SYNE1: variants seen among roughly 807,000 people sequenced by gnomAD.
The protein encoded by SYNE1 is nesprin-1.
Under a neutral mutation model 1,111.0 loss-of-function variants are expected in SYNE1, and 616 were observed. The ratio of observed to expected loss-of-function variants is 0.55; its 90% CI spans 0.52 to 0.59. The LOEUF is 0.59. SYNE1 is among the 20% of genes least tolerant of loss of function. The probability of loss-of-function intolerance (pLI) is 0.00; values close to 1 mark genes in which losing one functional copy is unlikely to be tolerated. For synonymous variants in SYNE1, 3,855 were observed against 3,825.8 expected (o/e 1.01, Z -0.28); for missense variants, 10,006 against 10,417.0 (o/e 0.96, Z 1.72).
intron 12 of SYNE1, among the ~76,000 whole-genome samples, chr6:152,486,610 T>A (rs548399966): frequency 2.0e-4 from 31 of 152,362 alleles, no homozygotes; most frequent in Non-Finnish European, 4.3e-4. Flanking sequence ...GTTCTTGCAA[T>A]TCTTTTCTCC....
At chr6:152,136,867 T>C (rs766832733) in intron 140 of SYNE1, 49 bp from the exon 141 acceptor site, 2 of 1,592,068 alleles carry the variant, frequency 1.3e-6, no homozygotes, top group Middle Eastern at 1.7e-4. Context: ...ATGACAAAGA[T>C]ATTTTCCCTT....
chr6:152,149,784 T>C, intron 135 of SYNE1, 116 bp from the exon 136 acceptor site: 2 of 865,770 alleles, frequency 2.3e-6, no homozygotes, highest in South Asian at 1.4e-5. Flanking sequence ...GGCTATTTAA[T>C]TGACCATATA....
Position 152,148,632 on chromosome 6 carries a change from C to T in SYNE1, c.24643-254G>A, listed in dbSNP as rs1225749294. 6.7e-6 allele frequency among the ~76,000 whole-genome samples: 1 copy of T among 150,086 alleles called. No individual in the cohort carries two copies. Among genetic ancestry groups the T allele is most frequent in the African/African-American group, 2.4e-5 (1 of 40,840 alleles). ...TTCCTCTGGGCCTCAGTTTTCTCAT[C>T]TATAAAATGGGAATAACAGTCCCAG... is the stretch of plus-strand genomic sequence containing the variant. On this transcript the variant is annotated intron_variant, in intron 136 of 145. Transcript: ENST00000367255. This position sits in a 1 kb window ranked among gnomAD's most constrained non-coding sequence, Gnocchi z 4.1.
chr6:152,267,791 T>TA (rs2153671868), intron 100 of SYNE1, among the ~76,000 whole-genome samples: 1 of 152,294 alleles, frequency 6.6e-6, no homozygotes, highest in South Asian at 2.1e-4. Flanking sequence ...CTTATTCGAT[T>TA]AAAAAGATGA....
rs138651501 is a variant in SYNE1, at chr6:152,499,262, T to G, written c.889-470A>C. On this transcript the variant is annotated intron_variant, in intron 10 of 145. Transcript: ENST00000367255. The stretch of plus-strand genomic sequence containing the variant: ...AAAAAATAAATGAAAGTTTAGAAGG[T>G]GAATGAGATAAGCCAATAGACCTAT... Among the ~76,000 whole-genome samples the G allele has an allele frequency of 5.6e-3, 849 of 152,080 alleles. 12 individuals are homozygous for G. Among genetic ancestry groups the G allele is most frequent in the African/African-American group, 0.02 (810 of 41,532 alleles).
rs748216902 is a variant in SYNE1 at position 152,148,159 on chromosome 6, C to T, written c.24862G>A (p.Asp8288Asn). The stretch of plus-strand genomic sequence containing the variant: ...TCCAGGTCCCGACTGAGGTCATAGT[C>T]GTGATCCCACTCCAGGGGGATGGAG... ...VDSIPLEWDH[D>N]YDLSRDLESA... is the part of the protein sequence containing the mutation. Residue 8288 changes from aspartate to asparagine, a missense_variant, in exon 137 of 146, where the codon GAC becomes AAC. Physicochemically the swap from Asp to Asn is conservative, Grantham distance 23. Around this residue, in one of 7 missense-constraint regions of SYNE1, gnomAD observed 761 missense variants for 795.5 expected, o/e 0.96. Coordinates refer to ENST00000367255, the MANE Select transcript of SYNE1 (RefSeq NM_182961.4). The surrounding 1 kb of genome is among the most constrained non-coding windows in gnomAD (Gnocchi z 4.1). The T allele has an allele frequency of 3.4e-5, 55 of 1,614,072 alleles. No individual in the cohort carries two copies. Among genetic ancestry groups the T allele is most frequent in the Non-Finnish European group, 3.9e-5 (46 of 1,180,038 alleles).
intron 95 of SYNE1, among the ~76,000 whole-genome samples, chr6:152,288,822 A>C (rs1309628367): frequency 6.6e-6 from 1 of 152,216 alleles, no homozygotes; most frequent in Non-Finnish European, 1.5e-5. Context: ...CTGGGATTAC[A>C]GGTGTGAGCC....
intron 62 of SYNE1, among the ~76,000 whole-genome samples, chr6:152,366,004 T>G (rs1306258909): frequency 6.6e-6 from 1 of 152,136 alleles, no homozygotes; most frequent in African/African-American, 2.4e-5. Flanking sequence ...TCCACCCAGT[T>G]ATCTTTGCCA....
rs145572897 is a variant in SYNE1 at position 152,261,378 on chromosome 6, G to A, written c.18972+654C>T. On this transcript the variant is annotated intron_variant, in intron 101 of 145. Coordinates refer to ENST00000367255, the MANE Select transcript of SYNE1 (RefSeq NM_182961.4). ...TCCTCTGACTTCCAGTTGTTCCCTG[G>A]CTTCTGCTTAGAGTGAAGTAATAGC... 3.5e-4 allele frequency among the ~76,000 whole-genome samples: 54 copies of A among 152,208 alleles called. No homozygotes were observed. In the East Asian group the frequency reaches 7.9e-3, roughly 22 times the overall value.
chr6:152,190,629 TTACTG>T (rs1320770065), intron 127 of SYNE1, among the ~76,000 whole-genome samples: 1 of 152,208 alleles, frequency 6.6e-6, no homozygotes, highest in Non-Finnish European at 1.5e-5. Flanking sequence ...GATTAAACTC[TTACTG>T]ACTACATTTG....
Position 152,200,308 on chromosome 6 carries a change from G to A in SYNE1, c.23145+1516C>T, listed in dbSNP as rs185811935. Among the ~76,000 whole-genome samples, 391 of 152,256 alleles carry A rather than the reference G, an allele frequency of 2.6e-3. 1 individual carries two copies. Among genetic ancestry groups the A allele is most frequent in the Non-Finnish European group, 4.5e-3 (304 of 68,016 alleles). On this transcript the variant is annotated intron_variant, in intron 127 of 145. Coordinates refer to ENST00000367255, the MANE Select transcript of SYNE1 (RefSeq NM_182961.4). The stretch of plus-strand genomic sequence containing the variant: ...AAGGGGCAATAATAAATGTTTTCAC[G>A]AGCTTTTGTTAATGCCAACTGAGAT...
At chr6:152,187,951 C>T (rs1191310389) in intron 128 of SYNE1, among the ~76,000 whole-genome samples, 1 of 152,172 alleles carries the variant, frequency 6.6e-6, no homozygotes, top group African/African-American at 2.4e-5. Context: ...GTCTTGAACT[C>T]CTGACCTCAG....
chr6:152,559,936 C>A (rs532491634), intron 3 of SYNE1, among the ~76,000 whole-genome samples: 19 of 152,222 alleles, frequency 1.2e-4, no homozygotes, highest in African/African-American at 4.6e-4. Context: ...GATATTACAA[C>A]TGATACTACA....
At chr6:152,468,660 T>C (rs1327570338) in intron 16 of SYNE1, among the ~76,000 whole-genome samples, 1 of 152,224 alleles carries the variant, frequency 6.6e-6, no homozygotes, top group African/African-American at 2.4e-5. Context: ...GCAGGACGGA[T>C]AAGTCTGAAT....
At chr6:152,364,353 C>A (rs543264872) in intron 63 of SYNE1, among the ~76,000 whole-genome samples, 2 of 152,182 alleles carry the variant, frequency 1.3e-5, no homozygotes, top group South Asian at 2.1e-4. Flanking sequence ...CTGCCCTCCC[C>A]CTGCCTGCCA....
At position 152,421,967 on chromosome 6, in the gene SYNE1, A is replaced by G. The variant is rs559502411; in HGVS notation, c.5268-2245T>C. Among the ~76,000 whole-genome samples the G allele has an allele frequency of 5.9e-5, 9 of 152,266 alleles. No individual in the cohort carries two copies. In the South Asian group the frequency reaches 6.2e-4, roughly 11 times the overall value. On this transcript the variant is annotated intron_variant, in intron 39 of 145. Coordinates refer to ENST00000367255, the MANE Select transcript of SYNE1 (RefSeq NM_182961.4). ...GTGATCTGCCCACCTCGGCCTCCCA[A>G]AGTGCTGGGATTACAGGTGTGAGCC...
Position 152,308,431 on chromosome 6 carries a change from CAT to C in SYNE1, c.17346+56_17346+57del, listed in dbSNP as rs2095446007. 28 of 1,611,452 alleles carry C rather than the reference CAT, an allele frequency of 1.7e-5. No individual in the cohort carries two copies. The South Asian group carries it at 3.0e-4, about 17-fold the overall frequency. ...TCTCTTCCATTCTCTAGAAACCAAA[CAT>C]ATACTCTAATCAAGCCAGTTTCCTG... On this transcript the variant is annotated intron_variant, in intron 91 of 145. Transcript: ENST00000367255.
chr6:152,220,220 A>G (rs2079820452), intron 119 of SYNE1, among the ~76,000 whole-genome samples: 1 of 152,262 alleles, frequency 6.6e-6, no homozygotes, highest in Non-Finnish European at 1.5e-5. Context: ...GGAAAAGTTT[A>G]TAAAAAGATC....
At chr6:152,564,795 G>A (rs1002733982) in intron 3 of SYNE1, among the ~76,000 whole-genome samples, 1 of 152,018 alleles carries the variant, frequency 6.6e-6, no homozygotes, top group Non-Finnish European at 1.5e-5. Context: ...GATCCGACTC[G>A]GGATCCCAGC....
Sources: allele counts gnomAD v4.1 joint callset (sites outside exome capture counted in the v4.1 genomes callset), GRCh38; gene constraint gnomAD v4.1.1; regional missense constraint gnomAD v4.1.1; non-coding constraint Gnocchi (gnomAD v3.1); transcripts MANE v1.5; gene names NCBI Gene and HGNC (gene_info 2026-07-23, HGNC 2026-07-21).